The following FSTL4 variants were observed in gnomAD, a reference collection of about 807,000 sequenced individuals.
FSTL4 encodes follistatin-related protein 4.
Under a neutral mutation model 78.2 loss-of-function variants are expected in FSTL4, and 28 were observed. The observed-to-expected ratio is 0.36, with a 90% CI of 0.27 to 0.49. The LOEUF (loss-of-function observed/expected upper bound fraction) is 0.49. Ranked by LOEUF, FSTL4 falls within the 20% of genes least tolerant of loss-of-function variation. FSTL4 has a pLI of 0.98. For synonymous variants in FSTL4, 422 were observed against 440.5 expected, an observed-to-expected ratio of 0.96 and a Z score of 0.53; for missense variants, 922 against 1,084.9, an observed-to-expected ratio of 0.85 and a Z score of 2.11.
At chr5:133,706,228 A>G in the FSTL4 span, among the ~76,000 whole-genome samples, 1 of 152,200 alleles carries the variant, frequency 6.6e-6, no homozygotes, top group East Asian at 1.9e-4. Flanking sequence ...TGGAACAACA[A>G]AACAAAATTC....
the FSTL4 span, among the ~76,000 whole-genome samples, chr5:133,750,288 T>G: frequency 6.6e-6 from 1 of 152,160 alleles, no homozygotes; most frequent in Admixed American, 6.5e-5. Flanking sequence ...AAGTAATTAT[T>G]CAAAAAAGCC....
At chr5:133,766,247 G>A in the FSTL4 span, among the ~76,000 whole-genome samples, 1 of 152,088 alleles carries the variant, frequency 6.6e-6, no homozygotes, top group Non-Finnish European at 1.5e-5. Flanking sequence ...CAGAAAAGAG[G>A]AAGGAGAGGA....
intron 2 of FSTL4, among the ~76,000 whole-genome samples, chr5:133,568,030 C>T (rs974332929): frequency 6.6e-6 from 1 of 152,038 alleles, no homozygotes; most frequent in Non-Finnish European, 1.5e-5. Flanking sequence ...TTGAAAATAG[C>T]ACTGAAGAAC....
chr5:133,788,135 G>A, the FSTL4 span, among the ~76,000 whole-genome samples: 1 of 152,152 alleles, frequency 6.6e-6, no homozygotes, highest in Non-Finnish European at 1.5e-5. Context: ...CCCAGCCCAG[G>A]GCCTGGTGTG....
At chr5:133,559,507 T>G (rs1015816550) in intron 3 of FSTL4, among the ~76,000 whole-genome samples, 9 of 152,128 alleles carry the variant, frequency 5.9e-5, no homozygotes, top group Non-Finnish European at 1.3e-4. Flanking sequence ...TCAGCGTGCT[T>G]CAGGCTGGCT....
intron 3 of FSTL4, among the ~76,000 whole-genome samples, chr5:133,425,092 A>G (rs1325018860): frequency 6.6e-6 from 1 of 152,218 alleles, no homozygotes; most frequent in Non-Finnish European, 1.5e-5. Flanking sequence ...ACGGGCTCAC[A>G]TGTATTGCAC....
chr5:133,614,605 A>G (rs1191637432), upstream of FSTL4, among the ~76,000 whole-genome samples: 1 of 152,214 alleles, frequency 6.6e-6, no homozygotes, highest in Non-Finnish European at 1.5e-5. Context: ...TTTACCTCTC[A>G]GTGTAATTTT....
chr5:133,840,809 C>T, the FSTL4 span, among the ~76,000 whole-genome samples: 1 of 152,244 alleles, frequency 6.6e-6, no homozygotes, highest in Non-Finnish European at 1.5e-5. Context: ...GCTTGTCAAT[C>T]TTTCTGCAGG....
At chr5:133,210,040 A>C in intron 14 of FSTL4, 151 bp downstream of exon 14, 1 of 557,484 alleles carries the variant, frequency 1.8e-6, no homozygotes, top group Non-Finnish European at 3.3e-6. Flanking sequence ...CATTGGCCTG[A>C]GGCTGTTTCC....
intron 6 of FSTL4, among the ~76,000 whole-genome samples, chr5:133,255,035 G>A (rs544760099): frequency 1.3e-5 from 2 of 152,336 alleles, no homozygotes; most frequent in South Asian, 2.1e-4. Context: ...TCTGGCTCCT[G>A]GCTGTGGCTC....
Position 133,224,184 on chromosome 5 carries a change from T to TG in FSTL4, c.1339+5dup, listed in dbSNP as rs1751251741. The stretch of plus-strand genomic sequence containing the variant: ...AGGCATGACGCAAAACAATGAAGCT[T>TG]GGTACCTTCCTCTCGCCACAGGATG... On this transcript the variant is annotated splice_donor_region_variant and intron_variant, in intron 11 of 15. Transcript: ENST00000265342. The TG allele has an allele frequency of 6.2e-7, 1 of 1,611,828 alleles. No individual in the cohort carries two copies.
chr5:133,333,985 G>C (rs758422105), intron 4 of FSTL4: 1 of 152,238 alleles, frequency 6.6e-6, no homozygotes, highest in South Asian at 2.1e-4. Flanking sequence ...GAAGGGCCAG[G>C]CCCCACCCAG....
chr5:133,659,946 G>T, the FSTL4 span, among the ~76,000 whole-genome samples: 2 of 152,156 alleles, frequency 1.3e-5, no homozygotes, highest in Non-Finnish European at 2.9e-5. Context: ...GGAGAAAGAG[G>T]TCAGCAAAGA....
chr5:133,650,771 T>C, the FSTL4 span, among the ~76,000 whole-genome samples: 26,101 of 152,138 alleles, frequency 0.17, 2,428 homozygotes, highest in Admixed American at 0.25. Context: ...CTATTCTGGG[T>C]CTTTTGCCCC....
intron 14 of FSTL4, among the ~76,000 whole-genome samples, chr5:133,208,808 C>T (rs190787715): frequency 1.3e-5 from 2 of 152,246 alleles, no homozygotes; most frequent in East Asian, 3.9e-4. Context: ...GTAGCTGGGA[C>T]TACAGCTGTG....
At chr5:133,829,079 C>T in the FSTL4 span, among the ~76,000 whole-genome samples, 1 of 152,170 alleles carries the variant, frequency 6.6e-6, no homozygotes, top group South Asian at 2.1e-4. Context: ...AGAGGGATTG[C>T]TCATGTTCCT....
the FSTL4 span, among the ~76,000 whole-genome samples, chr5:133,629,975 T>C: frequency 0.038 from 5,825 of 152,280 alleles, 49 homozygotes; most frequent in African/African-American, 0.09. Context: ...CTCAATAAGC[T>C]AGGTATTGAT....
the FSTL4 span, among the ~76,000 whole-genome samples, chr5:133,667,755 T>C: frequency 5.1e-4 from 78 of 152,374 alleles, no homozygotes; most frequent in Non-Finnish European, 9.4e-4. Flanking sequence ...TTCATATTAC[T>C]TAGCATCATC....
intron 6 of FSTL4, among the ~76,000 whole-genome samples, chr5:133,272,995 C>A (rs1008017329): frequency 6.6e-6 from 1 of 152,234 alleles, no homozygotes; most frequent in Non-Finnish European, 1.5e-5. Context: ...CCATCCCCTG[C>A]AGGAGCAGGA....
Sources: gnomAD v4.1 joint callset for allele counts (sites outside exome capture counted in the v4.1 genomes callset) on GRCh38, gnomAD v4.1.1 for gene constraint, MANE v1.5 for transcripts, NCBI Gene and HGNC (gene_info 2026-07-23, HGNC 2026-07-21) for gene names.